The following PRSS53 variants were observed in gnomAD, a reference collection of about 807,000 sequenced individuals.
PRSS53 encodes the protein serine protease 53.
Under a neutral mutation model 62.7 loss-of-function variants are expected in PRSS53, and 54 were observed. The ratio of observed to expected loss-of-function variants is 0.86; its 90% CI spans 0.69 to 1.08. The LOEUF is 1.08. Among genes scored for constraint, PRSS53 ranks in the 50% least tolerant of loss-of-function variants. The pLI is 0.00. For missense variants in PRSS53, 688 were observed against 728.3 expected, an observed-to-expected ratio of 0.94 and a Z score of 0.64; for synonymous variants, 273 against 300.0, an observed-to-expected ratio of 0.91 and a Z score of 0.93.
At position 31,083,770 on chromosome 16, in the gene PRSS53, G is replaced by A. The variant is rs778318277; in HGVS notation, c.*20C>T. The A allele has an allele frequency of 4.2e-5, 68 of 1,614,048 alleles. 1 individual carries two copies. Among genetic ancestry groups the A allele is most frequent in the Non-Finnish European group, 5.6e-5 (66 of 1,180,018 alleles). On this transcript the variant is annotated 3_prime_UTR_variant, in exon 11 of 11. Transcript: ENST00000280606. ...TTGCCTGCCTGCATTCTCTTGTCCT[G>A]AGAATGGCCAGGTCCCCTGTCAGCA...
Position 31,084,771 on chromosome 16 carries a change from CCCACCTACCTGCT to C in PRSS53, c.1275_1279+8del. 1 of 1,567,698 alleles carries C rather than the reference CCCACCTACCTGCT, an allele frequency of 6.4e-7. No individual in the cohort carries two copies. The highest frequency in any genetic ancestry group is 1.7e-4 in the Middle Eastern group (1 of 5,800). ...GATGGACAGCAGCCCTGGCCCTGTG[CCCACCTACCTGCT>C]CCTGGGCGGGCCCGTCCCAGAACCC... On this transcript the variant is annotated splice_donor_variant and splice_donor_5th_base_variant and coding_sequence_variant and intron_variant, in exon 8 of 11. Transcript: ENST00000280606. LOFTEE classifies it high-confidence loss of function.
At chr16:31,086,542 G>A in intron 4 of PRSS53, 51 bp from the exon 5 acceptor site, 1 of 1,579,478 alleles carries the variant, frequency 6.3e-7, no homozygotes, top group Non-Finnish European at 8.6e-7. Context: ...GGGAAGCAAG[G>A]GAGACTGGAA....
exon 6 of PRSS53, chr16:31,086,085 A>C: frequency 2.5e-6 from 4 of 1,613,838 alleles, no homozygotes; most frequent in Non-Finnish European, 3.4e-6. Context: ...GCAGCACAGG[A>C]GCGTCCTCCT....
In PRSS53 at chr16:31,084,540, TG is replaced by T; in HGVS notation, c.1425+17del. 1 of 1,596,824 alleles carries T rather than the reference TG, an allele frequency of 6.3e-7. No homozygotes were observed. ...TGCCAGGGGCCTGTTAGGTAAGGTG[TG>T]GGGGCCTGGGGCTCACCTCACAGCT... On this transcript the variant is annotated intron_variant, in intron 9 of 10. Coordinates refer to ENST00000280606, the Ensembl canonical transcript of PRSS53.
exon 10 of PRSS53, chr16:31,084,210 A>G (rs184888862): frequency 3.7e-6 from 6 of 1,611,480 alleles, no homozygotes; most frequent in Non-Finnish European, 4.2e-6. Flanking sequence ...CCCAGTCCTC[A>G]TAGGCAGGGA....
At chr16:31,086,168 G>A (rs779853111) in exon 6 of PRSS53, 6 of 1,611,486 alleles carry the variant, frequency 3.7e-6, no homozygotes, top group Non-Finnish European at 5.1e-6. Context: ...CACAGCACAG[G>A]GCCCCCGGAA....
exon 11 of PRSS53, chr16:31,083,465 A>T: frequency 3.8e-6 from 5 of 1,303,678 alleles, no homozygotes; most frequent in African/African-American, 1.5e-5. Context: ...ATTTAAGTTT[A>T]AAAAAAGGAA....
rs199847920 is a variant in PRSS53, at chr16:31,083,717, GT to G, written c.*72del. On this transcript the variant is annotated 3_prime_UTR_variant, in exon 11 of 11. Coordinates refer to ENST00000280606, the Ensembl canonical transcript of PRSS53. ...GGTGCCTGGAATCACACATGACAGG[GT>G]GGGGAGGACAGGGGCAGTAATGCCA... is the stretch of plus-strand genomic sequence containing the variant. 2.8e-5 allele frequency: 45 copies of G among 1,612,546 alleles called. No individual in the cohort carries two copies. In the East Asian group the frequency reaches 9.8e-4, roughly 35 times the overall value.
chr16:31,088,191 G>A, intron 1 of PRSS53: 1 of 1,219,254 alleles, frequency 8.2e-7, no homozygotes, highest in Non-Finnish European at 1.0e-6. Flanking sequence ...CCTCTTAGCA[G>A]CAGAGGCCTA....
chr16:31,084,864 GCAGGCTGGCTCCCAGTGTCA>G lies in PRSS53; in HGVS notation c.1175_1194del (p.Val392AlafsTer9), dbSNP rs2057214782. The G allele has an allele frequency of 6.5e-7, 1 of 1,547,560 alleles. No individual in the cohort carries two copies. The highest frequency in any genetic ancestry group is 1.4e-5 in the African/African-American group (1 of 73,106). On this transcript the variant is annotated frameshift_variant, in exon 8 of 11. Coordinates refer to ENST00000280606, the Ensembl canonical transcript of PRSS53. LOFTEE classifies it high-confidence loss of function. ...TCAGGATAGGGCAGGCAGAGGGGCC[GCAGGCTGGCTCCCAGTGTCA>G]CAGGCTGGGCCAGCAGCAGGAGGGC...
At chr16:31,084,133 C>A (rs540467463) in exon 10 of PRSS53, 1 of 1,581,946 alleles carries the variant, frequency 6.3e-7, no homozygotes, top group Non-Finnish European at 8.6e-7. Context: ...GTTGGCCAGG[C>A]AGCTTCCAGG....
chr16:31,087,912 C>T (rs375125384), intron 1 of PRSS53, 86 bp from the exon 2 acceptor site: 2 of 1,579,896 alleles, frequency 1.3e-6, no homozygotes, highest in African/African-American at 2.7e-5. Context: ...GGGGGGCGGG[C>T]CCAGGGTCCT....
chr16:31,087,588 C>G (rs756023901), exon 3 of PRSS53: 54 of 1,612,060 alleles, frequency 3.3e-5, no homozygotes, highest in Non-Finnish European at 3.5e-5. Flanking sequence ...CACCAGGGAG[C>G]CGCTGCAGAT....
In PRSS53 at chr16:31,088,753, C is replaced by T. The variant is rs1244061273; in HGVS notation, c.57G>A (p.Glu19=). The T allele has an allele frequency of 3.7e-6, 6 of 1,613,576 alleles. No individual in the cohort carries two copies. In the African/African-American group the frequency reaches 6.7e-5, roughly 18 times the overall value. The change falls in exon 1 of 11, where the codon GAG becomes GAA. Residue 19 remains glutamate (E), a splice_region_variant and synonymous_variant. Transcript: ENST00000280606. The stretch of plus-strand genomic sequence containing the variant: ...ATACCCCAGCACATGGCGGCTTACC[C>T]TCCATGAGGACTGTGGCACCCGCGA...
At chr16:31,087,504 C>T (rs773849052) in intron 3 of PRSS53, 33 bp downstream of exon 3, 19 of 1,564,894 alleles carry the variant, frequency 1.2e-5, no homozygotes, top group South Asian at 3.4e-5. Context: ...TCCCCAGAGC[C>T]GGAGACCCTG....
chr16:31,085,079 G>A, intron 7 of PRSS53, 31 bp downstream of exon 7: 8 of 1,612,728 alleles, frequency 5.0e-6, no homozygotes, highest in Non-Finnish European at 6.8e-6. Context: ...GCAGGGGCAG[G>A]GGGCACAGCA....
intron 3 of PRSS53, chr16:31,087,256 C>A: frequency 1.8e-6 from 1 of 548,788 alleles, no homozygotes; most frequent in Non-Finnish European, 3.2e-6. Context: ...CGTGGCCTCC[C>A]AAAGGGCTGG....
intron 1 of PRSS53, chr16:31,088,160 A>G: frequency 4.6e-6 from 6 of 1,292,670 alleles, no homozygotes; most frequent in Non-Finnish European, 5.9e-6. Flanking sequence ...CTGTGTGTGT[A>G]GAGAGCATTA....
intron 3 of PRSS53, 105 bp from the exon 4 acceptor site, chr16:31,087,003 CTT>C: frequency 8.0e-7 from 1 of 1,254,570 alleles, no homozygotes; most frequent in East Asian, 2.6e-5. Flanking sequence ...CACTCCACGG[CTT>C]TTTCTTTTTG....
Sources: gnomAD v4.1 joint callset for allele counts on GRCh38, gnomAD v4.1.1 for gene constraint, MANE v1.5 for transcripts, NCBI Gene and HGNC (gene_info 2026-07-23, HGNC 2026-07-21) for gene names.